Variants in FGGY observed in about 807,000 individuals in gnomAD.
The protein encoded by FGGY is FGGY carbohydrate kinase domain-containing protein.
Under a neutral mutation model 71.3 loss-of-function variants are expected in FGGY, and 72 were observed. The ratio of observed to expected loss-of-function variants is 1.01; its 90% CI spans 0.84 to 1.23. The LOEUF is 1.23. Among genes scored for constraint, FGGY ranks in the 50% most tolerant of loss-of-function variants. The probability of loss-of-function intolerance (pLI) is 0.00; values close to 1 mark genes in which losing one functional copy is unlikely to be tolerated. For missense variants in FGGY, 668 were observed against 682.3 expected (o/e 0.98, Z 0.23); for synonymous variants, 251 against 250.3 (o/e 1.00, Z -0.02).
At chr1:59,311,481 G>A (rs1162740132) in intron 1 of FGGY, among the ~76,000 whole-genome samples, 1 of 152,026 alleles carries the variant, frequency 6.6e-6, no homozygotes, top group Non-Finnish European at 1.5e-5. Flanking sequence ...TTATGAGTGA[G>A]AACATGCGGT....
chr1:59,375,013 C>T (rs143393218), intron 4 of FGGY, among the ~76,000 whole-genome samples: 4,150 of 150,408 alleles, frequency 0.028, 215 homozygotes, highest in African/African-American at 0.096. Context: ...CATGTATACA[C>T]AGGTAACTAA....
At chr1:59,470,430 C>T (rs1431352625) in intron 6 of FGGY, among the ~76,000 whole-genome samples, 1 of 152,100 alleles carries the variant, frequency 6.6e-6, no homozygotes, top group African/African-American at 2.4e-5. Context: ...AGATACATGC[C>T]AAGCCTTCAT....
chr1:59,534,652 C>T (rs1229571259), intron 7 of FGGY, among the ~76,000 whole-genome samples: 2 of 152,062 alleles, frequency 1.3e-5, no homozygotes, highest in African/African-American at 4.8e-5. Flanking sequence ...ACTCTACAAG[C>T]CAGAAGAGAG....
At chr1:59,566,954 A>G (rs1005901456) in intron 8 of FGGY, among the ~76,000 whole-genome samples, 1 of 152,212 alleles carries the variant, frequency 6.6e-6, no homozygotes, top group Admixed American at 6.5e-5. Flanking sequence ...TAACAGAAGG[A>G]TATCATACAA....
chr1:59,488,106 A>G (rs1388629813), intron 6 of FGGY, among the ~76,000 whole-genome samples: 3 of 152,156 alleles, frequency 2.0e-5, no homozygotes, highest in East Asian at 1.9e-4. Context: ...TTGCATATTC[A>G]TATTTTCATG....
chr1:59,381,655 G>A (rs2059469712), intron 5 of FGGY, among the ~76,000 whole-genome samples: 1 of 150,998 alleles, frequency 6.6e-6, no homozygotes, highest in Non-Finnish European at 1.5e-5. Context: ...GTGTGTGTGT[G>A]TGTGTGTGTG....
Position 59,346,344 on chromosome 1 carries a change from C to T in FGGY, c.411C>T (p.Val137=), listed in dbSNP as rs183693555. Residue 137 remains valine, a synonymous_variant, in exon 4 of 16, where the codon GTC becomes GTT. Coordinates refer to ENST00000303721, the MANE Select transcript of FGGY (RefSeq NM_018291.5). ...CCAAGCACAGTGTCCTCCAGTACGTCGGGGGGGTGATGTCTGTGGAAATGC... is the reference window on the plus strand; with the variant it reads ...CCAAGCACAGTGTCCTCCAGTACGTTGGGGGGGTGATGTCTGTGGAAATGC... ...NETKHSVLQY[V]GGVMSVEMQA... 4.1e-4 allele frequency: 665 copies of T among 1,611,656 alleles called. 3 individuals carry two copies. In the African/African-American group the frequency reaches 5.8e-3, roughly 14 times the overall value.
intron 1 of FGGY, among the ~76,000 whole-genome samples, chr1:59,315,168 C>T (rs11590044): frequency 0.19 from 28,604 of 152,108 alleles, 3,253 homozygotes; most frequent in East Asian, 0.35. Context: ...TTTCTGAGAA[C>T]TGACATTTTC....
intron 14 of FGGY, among the ~76,000 whole-genome samples, chr1:59,715,057 C>A (rs1317656639): frequency 6.6e-6 from 1 of 152,144 alleles, no homozygotes; most frequent in Non-Finnish European, 1.5e-5. Flanking sequence ...CCCTTTCTTT[C>A]GTTGCCTTCT....
intron 8 of FGGY, among the ~76,000 whole-genome samples, chr1:59,588,980 A>C (rs1372647567): frequency 6.6e-6 from 1 of 152,226 alleles, no homozygotes; most frequent in East Asian, 1.9e-4. Context: ...CTCCAATTAA[A>C]AGACACAGTC....
At chr1:59,472,227 C>T (rs374056665) in intron 6 of FGGY, among the ~76,000 whole-genome samples, 5 of 152,128 alleles carry the variant, frequency 3.3e-5, no homozygotes, top group Admixed American at 2.6e-4. Context: ...TTGGAGCGGT[C>T]GGCCGGCTCC....
At chr1:59,677,405 G>A (rs2097446650) in intron 14 of FGGY, among the ~76,000 whole-genome samples, 1 of 152,184 alleles carries the variant, frequency 6.6e-6, no homozygotes, top group Non-Finnish European at 1.5e-5. Flanking sequence ...CTGGTGGTTA[G>A]ATGGAGGATT....
At chr1:59,696,183 A>G (rs1206618693) in intron 14 of FGGY, among the ~76,000 whole-genome samples, 1 of 152,208 alleles carries the variant, frequency 6.6e-6, no homozygotes, top group South Asian at 2.1e-4. Flanking sequence ...ATAAAATAAG[A>G]TCAAGTGTCA....
intron 8 of FGGY, among the ~76,000 whole-genome samples, chr1:59,579,009 C>T (rs1250824782): frequency 6.6e-6 from 1 of 152,096 alleles, no homozygotes; most frequent in African/African-American, 2.4e-5. Context: ...CCATTCCTCC[C>T]CTCCCACTCT....
chr1:59,729,608 G>A (rs376991435), intron 14 of FGGY, among the ~76,000 whole-genome samples: 16 of 152,200 alleles, frequency 1.1e-4, no homozygotes, highest in African/African-American at 1.7e-4. Context: ...TGTCTTTGGC[G>A]TCCCTAAGAT....
chr1:59,418,988 C>A (rs2064965015), intron 5 of FGGY, among the ~76,000 whole-genome samples: 1 of 152,058 alleles, frequency 6.6e-6, no homozygotes, highest in Non-Finnish European at 1.5e-5. Context: ...GCCTGGCATA[C>A]TGAAATAAAG....
rs192841633 is a variant in FGGY, at chr1:59,421,067, A to G, written c.555-35894A>G. On this transcript the variant is annotated intron_variant, in intron 5 of 15. Transcript: ENST00000303721. ...CTTAGAGCAAGGAGATCTCTTTCTG[A>G]TGAAGAATACACTCTAGCCTAAAAA... Among the ~76,000 whole-genome samples the G allele has an allele frequency of 4.6e-4, 70 of 152,306 alleles. 1 individual carries two copies. Among genetic ancestry groups the G allele is most frequent in the African/African-American group, 1.6e-3 (66 of 41,568 alleles).
intron 5 of FGGY, among the ~76,000 whole-genome samples, chr1:59,401,175 T>A (rs565409543): frequency 6.6e-6 from 1 of 152,340 alleles, no homozygotes; most frequent in South Asian, 2.1e-4. Flanking sequence ...TAAAATTTCC[T>A]AATAATTGGC....
intron 14 of FGGY, among the ~76,000 whole-genome samples, chr1:59,727,732 A>C (rs1454858643): frequency 6.6e-6 from 1 of 152,302 alleles, no homozygotes; most frequent in Non-Finnish European, 1.5e-5. Context: ...AAGAGCCTGA[A>C]TAGCCAAAGC....
Sources: allele counts gnomAD v4.1 joint callset (sites outside exome capture counted in the v4.1 genomes callset), GRCh38; gene constraint gnomAD v4.1.1; transcripts MANE v1.5; gene names NCBI Gene and HGNC (gene_info 2026-07-23, HGNC 2026-07-21).